Variants in RGS20 observed in about 807,000 individuals in gnomAD.
RGS20 encodes the protein regulator of G protein signaling 20.
A neutral mutation model predicts 33.6 loss-of-function variants in RGS20; 30 were observed. The observed-to-expected ratio is 0.89, with a 90% confidence interval of 0.67 to 1.21. The LOEUF is 1.21. Among genes scored for constraint, RGS20 ranks in the 50% most tolerant of loss-of-function variants. The probability of loss-of-function intolerance (pLI) is 0.00; values close to 1 mark genes in which losing one functional copy is unlikely to be tolerated. For synonymous variants in RGS20, 208 were observed against 197.9 expected (o/e 1.05, Z -0.43); for missense variants, 472 against 502.4 (o/e 0.94, Z 0.58).
At chr8:53,882,186 C>T (rs1812405221) in intron 2 of RGS20, among the ~76,000 whole-genome samples, 1 of 152,138 alleles carries the variant, frequency 6.6e-6, no homozygotes, top group Admixed American at 6.5e-5. Context: ...TGCGGCCCTA[C>T]CGCTGCTAGA....
chr8:53,859,681 G>A (rs1006302042), intron 1 of RGS20, among the ~76,000 whole-genome samples: 1 of 152,162 alleles, frequency 6.6e-6, no homozygotes, highest in Non-Finnish European at 1.5e-5. Context: ...CCCGAGACTG[G>A]TTGATATATA....
At chr8:53,908,640 C>CA (rs71254928) in intron 2 of RGS20, among the ~76,000 whole-genome samples, 49,094 of 143,882 alleles carry the variant, frequency 0.34, 8,831 homozygotes, top group African/African-American at 0.5. Flanking sequence ...AACTCCATCT[C>CA]AAAAAAAAAA....
chr8:53,891,947 A>T (rs935740435), intron 2 of RGS20, among the ~76,000 whole-genome samples: 1 of 151,792 alleles, frequency 6.6e-6, no homozygotes, highest in African/African-American at 2.4e-5. Context: ...TGTGCAGGTT[A>T]GTTACATATG....
chr8:53,914,179 C>T (rs947904556), intron 2 of RGS20, among the ~76,000 whole-genome samples: 2 of 152,094 alleles, frequency 1.3e-5, no homozygotes, highest in Admixed American at 6.6e-5. Context: ...TATAGGCATG[C>T]ATCACCACAT....
chr8:53,930,969 T>C (rs1813942065), intron 2 of RGS20, among the ~76,000 whole-genome samples: 1 of 152,160 alleles, frequency 6.6e-6, no homozygotes, highest in African/African-American at 2.4e-5. Flanking sequence ...AAACCATGGT[T>C]AGGCTATCTC....
In RGS20 at chr8:53,855,016, A is replaced by G. The variant is rs189771131; in HGVS notation, c.165+2952A>G. Reference sequence around the variant, plus strand: ...GGTGCTGAGTGGGGGAGAAAAAGCCAATTCCAAAAAGTCACACACTATATA... The same window carrying G: ...GGTGCTGAGTGGGGGAGAAAAAGCCGATTCCAAAAAGTCACACACTATATA... On this transcript the variant is annotated intron_variant, in intron 1 of 5. Transcript: ENST00000297313. 2.4e-3 allele frequency among the ~76,000 whole-genome samples: 358 copies of G among 152,338 alleles called. 2 individuals are homozygous for G. The highest frequency in any genetic ancestry group is 0.014 in the Admixed American group (207 of 15,300).
At chr8:53,923,343 C>A (rs1430841372) in intron 2 of RGS20, among the ~76,000 whole-genome samples, 1 of 152,070 alleles carries the variant, frequency 6.6e-6, no homozygotes, top group African/African-American at 2.4e-5. Context: ...ATTTGTTATC[C>A]TAGCACTTTG....
At chr8:53,862,138 C>T (rs1027714320) in intron 1 of RGS20, among the ~76,000 whole-genome samples, 14 of 152,166 alleles carry the variant, frequency 9.2e-5, no homozygotes, top group African/African-American at 3.4e-4. Context: ...CTCTCTCACC[C>T]ACCCCTCACC....
rs150823397 is a variant in RGS20, at chr8:53,904,501, A to G, written c.510+24899A>G. Among the ~76,000 whole-genome samples the G allele has an allele frequency of 1.1e-4, 17 of 152,330 alleles. No homozygotes were observed. The East Asian group carries it at 3.1e-3, about 28-fold the overall frequency. On this transcript the variant is annotated intron_variant, in intron 2 of 5. Coordinates refer to ENST00000297313, the MANE Select transcript of RGS20 (RefSeq NM_170587.4). ...TTGGCTGTTTTTTTCTATAATTTGC[A>G]ATAACTACGCAGAAATTCTCATTAG... is the stretch of plus-strand genomic sequence containing the variant.
chr8:53,854,225 A>G (rs1437253556), intron 1 of RGS20, among the ~76,000 whole-genome samples: 2 of 152,206 alleles, frequency 1.3e-5, no homozygotes, highest in Non-Finnish European at 2.9e-5. Context: ...AAAAAAAATC[A>G]ATAAATAAGA....
intron 2 of RGS20, among the ~76,000 whole-genome samples, chr8:53,910,125 A>T (rs2129283391): frequency 6.6e-6 from 1 of 152,342 alleles, no homozygotes; most frequent in East Asian, 1.9e-4. Context: ...CATTCATCAC[A>T]TATGTATTAA....
chr8:53,903,032 T>C (rs1255470726), intron 2 of RGS20, among the ~76,000 whole-genome samples: 4 of 152,180 alleles, frequency 2.6e-5, no homozygotes, highest in Non-Finnish European at 5.9e-5. Flanking sequence ...CAGCCCAAAA[T>C]GATTGATTCT....
chr8:53,958,431 C>A lies in RGS20; in HGVS notation c.1140C>A (p.Ser380=). ...CTGTCTATAAGGACTTGCTTCAGTCCTTATCGGAGAAATCTATTGAAGCAT... is the reference window on the plus strand; with the variant it reads ...CTGTCTATAAGGACTTGCTTCAGTCATTATCGGAGAAATCTATTGAAGCAT... Residue 380 remains serine (S), a synonymous_variant, in exon 6 of 6, where the codon TCC becomes TCA. Transcript: ENST00000297313. 6.5e-7 allele frequency: 1 copy of A among 1,544,848 alleles called. No homozygotes were observed. The highest frequency in any genetic ancestry group is 8.7e-7 in the Non-Finnish European group (1 of 1,145,394).
chr8:53,910,648 A>C (rs1235275676), intron 2 of RGS20, among the ~76,000 whole-genome samples: 1 of 152,234 alleles, frequency 6.6e-6, no homozygotes, highest in Non-Finnish European at 1.5e-5. Context: ...TGTTTATAGA[A>C]GCTTTATTCA....
intron 2 of RGS20, among the ~76,000 whole-genome samples, chr8:53,932,182 C>T (rs1813991512): frequency 1.3e-5 from 2 of 152,118 alleles, no homozygotes; most frequent in South Asian, 4.2e-4. Context: ...TCTGGCTGCC[C>T]TTAACACAAA....
At chr8:53,929,279 TACCTTAAAC>T (rs1813888759) in intron 2 of RGS20, among the ~76,000 whole-genome samples, 1 of 152,192 alleles carries the variant, frequency 6.6e-6, no homozygotes, top group Admixed American at 6.5e-5. Context: ...TCAAATTATA[TACCTTAAAC>T]ATGTGCAGTT....
At chr8:53,870,932 G>A (rs1214716559) in intron 1 of RGS20, among the ~76,000 whole-genome samples, 2 of 151,692 alleles carry the variant, frequency 1.3e-5, no homozygotes, top group Non-Finnish European at 2.9e-5. Flanking sequence ...CCAAGATGGA[G>A]AAACTGTGTC....
intron 1 of RGS20, chr8:53,852,098 C>G (rs751276800): frequency 3.2e-6 from 5 of 1,553,532 alleles, no homozygotes; most frequent in Non-Finnish European, 4.4e-6. Flanking sequence ...GATCCTTTCC[C>G]GTCAAGGGAA....
chr8:53,936,063 A>T lies in RGS20; in HGVS notation c.511-3513A>T, dbSNP rs138915298. On this transcript the variant is annotated intron_variant, in intron 2 of 5. Coordinates refer to ENST00000297313, the MANE Select transcript of RGS20 (RefSeq NM_170587.4). ...AAATTCAACACCCTTTCATGCTAAAAACTCTCAATAAACTAGGTATTGATG... is the reference window on the plus strand; with the variant it reads ...AAATTCAACACCCTTTCATGCTAAATACTCTCAATAAACTAGGTATTGATG... Among the ~76,000 whole-genome samples, 602 of 152,356 alleles carry T rather than the reference A, an allele frequency of 4.0e-3. 9 individuals are homozygous for T. The highest frequency in any genetic ancestry group is 0.012 in the South Asian group (58 of 4,828).
Sources: gnomAD v4.1 joint callset for allele counts (sites outside exome capture counted in the v4.1 genomes callset) on GRCh38, gnomAD v4.1.1 for gene constraint, MANE v1.5 for transcripts, NCBI Gene and HGNC (gene_info 2026-07-23, HGNC 2026-07-21) for gene names.